RDX: variants seen among roughly 807,000 people sequenced by gnomAD.
The protein encoded by RDX is radixin.
Under a neutral mutation model 83.7 loss-of-function variants are expected in RDX, and 32 were observed. The ratio of observed to expected loss-of-function variants is 0.38; its 90% confidence interval spans 0.29 to 0.51. The LOEUF is 0.51. Ranked by LOEUF, RDX falls within the 20% of genes least tolerant of loss-of-function variation. The pLI, the probability that RDX is intolerant of heterozygous loss-of-function variation, is 0.87. For synonymous variants in RDX, 229 were observed against 222.7 expected (o/e 1.03, Z -0.25); for missense variants, 600 against 689.9 (o/e 0.87, Z 1.46).
At chr11:110,264,973 T>C in intron 3 of RDX, 99 bp from the exon 4 acceptor site, 2 of 816,562 alleles carry the variant, frequency 2.4e-6, no homozygotes, top group East Asian at 2.6e-5. Flanking sequence ...ACTATGTAAG[T>C]ATACGTATAT....
chr11:110,204,370 T>G (rs1863524991), intron 14 of RDX, among the ~76,000 whole-genome samples: 1 of 151,328 alleles, frequency 6.6e-6, no homozygotes, highest in Admixed American at 6.6e-5. Flanking sequence ...TCTAACAAAA[T>G]AAATACATGA....
rs111452562 is a variant in RDX at position 110,219,976 on chromosome 11, T to A, written c.1748+11897A>T. ...CTTGGCACACTATAATATGAAGGGG[T>A]TGAGGAAGGAACCTCACTTATTCAT... On this transcript the variant is annotated intron_variant, in intron 14 of 15. Coordinates refer to the RDX transcript ENST00000528498. Among the ~76,000 whole-genome samples the A allele has an allele frequency of 7.9e-4, 120 of 152,150 alleles. 1 individual carries two copies. The highest frequency in any genetic ancestry group is 2.8e-3 in the African/African-American group (117 of 41,510).
intron 10 of RDX, among the ~76,000 whole-genome samples, chr11:110,247,021 A>G (rs542885545): frequency 3.7e-4 from 56 of 152,260 alleles, no homozygotes; most frequent in African/African-American, 1.3e-3. Context: ...TTATTGATGC[A>G]ATACTTTTTT....
At chr11:110,285,696 G>C (rs34787877) in intron 1 of RDX, among the ~76,000 whole-genome samples, 53,758 of 131,246 alleles carry the variant, frequency 0.41, 10,312 homozygotes, top group East Asian at 0.54. Flanking sequence ...CTGGGCGACA[G>C]AGTGAGACTT....
chr11:110,279,818 A>G (rs1860680790), intron 1 of RDX, 62 bp from the exon 2 acceptor site: 6 of 622,026 alleles, frequency 9.6e-6, no homozygotes, highest in Non-Finnish European at 1.4e-5. Context: ...TTTTAACTAT[A>G]ATTTGTGTAA....
At chr11:110,264,977 C>G in intron 3 of RDX, 103 bp from the exon 4 acceptor site, 1 of 738,184 alleles carries the variant, frequency 1.4e-6, no homozygotes, top group Non-Finnish European at 2.3e-6. Context: ...TGTAAGTATA[C>G]GTATATTCCT....
chr11:110,223,225 G>T (rs555359011), intron 14 of RDX, among the ~76,000 whole-genome samples: 1 of 151,906 alleles, frequency 6.6e-6, no homozygotes, highest in Non-Finnish European at 1.5e-5. Flanking sequence ...GGTGGTGGGC[G>T]CCTGTGGTCC....
chr11:110,196,408 C>CACT, intron 15 of RDX, among the ~76,000 whole-genome samples: 1 of 152,332 alleles, frequency 6.6e-6, no homozygotes, highest in South Asian at 2.1e-4. Flanking sequence ...ACAAACTCTA[C>CACT]ACTCTGACCT....
At chr11:110,211,630 C>CTT (rs1175025108) in intron 14 of RDX, among the ~76,000 whole-genome samples, 1 of 147,696 alleles carries the variant, frequency 6.8e-6, no homozygotes, top group Non-Finnish European at 1.5e-5. Context: ...TTATAACAAA[C>CTT]TATCTCTCAG....
chr11:110,285,194 C>G (rs1860932697), intron 1 of RDX, among the ~76,000 whole-genome samples: 1 of 151,354 alleles, frequency 6.6e-6, no homozygotes, highest in Admixed American at 6.6e-5. Flanking sequence ...CGAGACCAGT[C>G]TGGCCAACAT....
intron 15 of RDX, among the ~76,000 whole-genome samples, chr11:110,180,087 T>C (rs1022697355): frequency 6.6e-6 from 1 of 151,644 alleles, no homozygotes; most frequent in Non-Finnish European, 1.5e-5. Context: ...TTTTTAGTAG[T>C]GAAGGGGTTT....
intron 10 of RDX, among the ~76,000 whole-genome samples, chr11:110,246,975 CCT>C (rs1277391586): frequency 1.3e-5 from 2 of 152,084 alleles, no homozygotes; most frequent in Admixed American, 6.5e-5. Context: ...TCATGTTACC[CCT>C]GAGAGCCTGC....
chr11:110,287,863 A>G (rs1001245275), intron 1 of RDX, among the ~76,000 whole-genome samples: 5 of 152,240 alleles, frequency 3.3e-5, no homozygotes, highest in Non-Finnish European at 7.3e-5. Context: ...TTAACAAGAC[A>G]TAAGTCCTTT....
intron 1 of RDX, among the ~76,000 whole-genome samples, chr11:110,295,883 G>A (rs528778157): frequency 2.9e-4 from 44 of 152,110 alleles, no homozygotes; most frequent in Non-Finnish European, 4.6e-4. Flanking sequence ...CGAGCGGCGG[G>A]AGCGACTGGC....
At chr11:110,229,002 A>C (rs1025434850), downstream of RDX, among the ~76,000 whole-genome samples, 7 of 151,988 alleles carry the variant, frequency 4.6e-5, no homozygotes, top group Non-Finnish European at 8.8e-5. Flanking sequence ...AAGACTTGAA[A>C]AAGGCAATTT....
intron 11 of RDX, 79 bp downstream of exon 11, chr11:110,237,413 G>T: frequency 7.2e-7 from 1 of 1,388,260 alleles, no homozygotes; most frequent in Non-Finnish European, 9.9e-7. Context: ...CAAAATGGTT[G>T]CTTTTCTTTT....
chr11:110,264,845 G>T lies in RDX; in HGVS notation c.126C>A (p.Val42=). The change falls in exon 4 of 14, where the codon GTC becomes GTA. Residue 42 remains valine (V), a synonymous_variant. Coordinates refer to ENST00000645495, the MANE Select transcript of RDX (RefSeq NM_002906.4). ...CTACATACTGCAGCCCAAAAAACCA[G>T]ACCTCACGCAAACCAACTGTTTTCA... is the stretch of plus-strand genomic sequence containing the variant. The part of the protein sequence containing the change: ...QVVKTVGLRE[V]WFFGLQYVDS... The T allele has an allele frequency of 6.2e-7, 1 of 1,613,794 alleles. No individual in the cohort carries two copies. Among genetic ancestry groups the T allele is most frequent in the Non-Finnish European group, 8.5e-7 (1 of 1,179,938 alleles).
downstream of RDX, among the ~76,000 whole-genome samples, chr11:110,228,324 C>G (rs541001678): frequency 1.3e-5 from 2 of 152,044 alleles, no homozygotes; most frequent in Non-Finnish European, 2.9e-5. Context: ...AGCTAGAATA[C>G]TGTCATTCCA....
At chr11:110,242,324 C>T (rs1192857504) in intron 10 of RDX, among the ~76,000 whole-genome samples, 2 of 151,648 alleles carry the variant, frequency 1.3e-5, no homozygotes, top group Non-Finnish European at 2.9e-5. Flanking sequence ...ATGGTGGCAG[C>T]CACCTGTAAT....
Sources: gnomAD v4.1 joint callset for allele counts (sites outside exome capture counted in the v4.1 genomes callset) on GRCh38, gnomAD v4.1.1 for gene constraint, MANE v1.5 for transcripts, NCBI Gene and HGNC (gene_info 2026-07-23, HGNC 2026-07-21) for gene names.